PTPRZ1: variants seen among roughly 807,000 people sequenced by gnomAD.
PTPRZ1 encodes receptor-type tyrosine-protein phosphatase zeta.
In PTPRZ1, 82 loss-of-function variants were observed where a neutral mutation model predicts 214.1. The observed-to-expected ratio is 0.38, with a 90% CI of 0.32 to 0.46. The LOEUF (loss-of-function observed/expected upper bound fraction) is 0.46, where lower values mean the gene tolerates loss of function less well. Ranked by LOEUF, PTPRZ1 falls within the 20% of genes least tolerant of loss-of-function variation. The probability of loss-of-function intolerance (pLI) is 1.00; values close to 1 mark genes in which losing one functional copy is unlikely to be tolerated. For missense variants in PTPRZ1, 2,603 were observed against 2,748.7 expected, an observed-to-expected ratio of 0.95 and a Z score of 1.19; for synonymous variants, 945 against 987.9, an observed-to-expected ratio of 0.96 and a Z score of 0.81.
intron 2 of PTPRZ1, among the ~76,000 whole-genome samples, chr7:121,963,357 T>G (rs1219483298): frequency 6.6e-6 from 1 of 152,180 alleles, no homozygotes; most frequent in African/African-American, 2.4e-5. Context: ...TAGGGAGTTT[T>G]AGGTGGGGAC....
At chr7:121,955,561 C>T (rs1796680355) in intron 2 of PTPRZ1, among the ~76,000 whole-genome samples, 1 of 152,114 alleles carries the variant, frequency 6.6e-6, no homozygotes, top group Non-Finnish European at 1.5e-5. Context: ...AAATAGTTTG[C>T]CTGCCTTTCA....
intron 1 of PTPRZ1, among the ~76,000 whole-genome samples, chr7:121,893,193 G>A (rs905996374): frequency 6.6e-5 from 10 of 152,160 alleles, no homozygotes; most frequent in African/African-American, 1.9e-4. Context: ...TTGTCATGTC[G>A]TTAAACATCA....
At chr7:121,933,731 G>C (rs1175926651) in intron 2 of PTPRZ1, among the ~76,000 whole-genome samples, 1 of 152,066 alleles carries the variant, frequency 6.6e-6, no homozygotes, top group African/African-American at 2.4e-5. Context: ...TTGGTGTTTG[G>C]CTTTTATTTT....
intron 4 of PTPRZ1, among the ~76,000 whole-genome samples, chr7:121,974,637 G>GC (rs1312326690): frequency 1.3e-5 from 2 of 152,064 alleles, no homozygotes; most frequent in Admixed American, 6.6e-5. Flanking sequence ...ACAGGTGCAT[G>GC]CCACCATGCC....
intron 6 of PTPRZ1, among the ~76,000 whole-genome samples, chr7:121,980,212 A>G (rs1797563465): frequency 1.3e-5 from 2 of 152,076 alleles, no homozygotes; most frequent in Admixed American, 1.3e-4. Context: ...CAGCGAGTCA[A>G]TTTCTGGCTC....
At chr7:121,939,844 G>A (rs565604205) in intron 2 of PTPRZ1, among the ~76,000 whole-genome samples, 45 of 152,266 alleles carry the variant, frequency 3.0e-4, no homozygotes, top group Admixed American at 1.0e-3. Flanking sequence ...AATACCTCAT[G>A]GAGATGGTGT....
chr7:122,004,217 C>A (rs1004561592), intron 10 of PTPRZ1, among the ~76,000 whole-genome samples: 19 of 152,160 alleles, frequency 1.2e-4, no homozygotes, highest in African/African-American at 4.3e-4. Context: ...TTTCCCCAAC[C>A]ATGCTTTTAT....
At chr7:121,928,585 G>C (rs1795834566) in intron 2 of PTPRZ1, among the ~76,000 whole-genome samples, 1 of 152,148 alleles carries the variant, frequency 6.6e-6, no homozygotes, top group African/African-American at 2.4e-5. Context: ...CACAGAGCCT[G>C]CTTCTAAACA....
At chr7:122,025,935 CAG>C (rs562191956) in intron 13 of PTPRZ1, among the ~76,000 whole-genome samples, 62 of 152,120 alleles carry the variant, frequency 4.1e-4, no homozygotes, top group Non-Finnish European at 7.8e-4. Flanking sequence ...AAAAGTCTAA[CAG>C]GGTGTGGACC....
At chr7:122,060,414 C>T (rs536905181) in intron 29 of PTPRZ1, among the ~76,000 whole-genome samples, 2 of 152,288 alleles carry the variant, frequency 1.3e-5, no homozygotes, top group South Asian at 2.1e-4. Flanking sequence ...TCATGGTTTT[C>T]GGCTATGATG....
chr7:121,881,261 C>CT (rs1794229158), intron 1 of PTPRZ1, among the ~76,000 whole-genome samples: 1 of 152,180 alleles, frequency 6.6e-6, no homozygotes, highest in African/African-American at 2.4e-5. Flanking sequence ...ATCTGCTGGC[C>CT]TTTTGATCTT....
intron 13 of PTPRZ1, among the ~76,000 whole-genome samples, chr7:122,023,687 ATAT>A (rs1799107205): frequency 7.5e-6 from 1 of 133,400 alleles, no homozygotes; most frequent in Non-Finnish European, 1.6e-5. Context: ...ATAATTTTAT[ATAT>A]TATATGTATA....
intron 2 of PTPRZ1, among the ~76,000 whole-genome samples, chr7:121,952,027 C>G (rs534741083): frequency 6.6e-6 from 1 of 151,150 alleles, no homozygotes; most frequent in East Asian, 2.0e-4. Flanking sequence ...GACGCGATCT[C>G]GGCTCACTGC....
chr7:122,006,094 A>C (rs1798476843), intron 11 of PTPRZ1, among the ~76,000 whole-genome samples: 1 of 152,130 alleles, frequency 6.6e-6, no homozygotes, highest in African/African-American at 2.4e-5. Context: ...AGCTGTGTGA[A>C]TAGGCTACAC....
At chr7:121,946,386 TC>T (rs1276764745) in intron 2 of PTPRZ1, among the ~76,000 whole-genome samples, 2 of 152,222 alleles carry the variant, frequency 1.3e-5, no homozygotes, top group Admixed American at 1.3e-4. Flanking sequence ...TTCAAATTGT[TC>T]CTCTGGGAGC....
Position 122,021,580 on chromosome 7 carries a change from A to G in PTPRZ1, c.4988+2312A>G, listed in dbSNP as rs151282733. On this transcript the variant is annotated intron_variant, in intron 13 of 29. Coordinates refer to ENST00000393386, the MANE Select transcript of PTPRZ1 (RefSeq NM_002851.3). ...AGACCTCCATCTCTACAAAAACAAT[A>G]AAAATAAACAATTTAGCTGGGCATG... is the stretch of plus-strand genomic sequence containing the variant. Among the ~76,000 whole-genome samples the G allele has an allele frequency of 3.9e-4, 60 of 152,212 alleles. No individual in the cohort carries two copies. The East Asian group carries it at 0.012, about 29-fold the overall frequency.
At chr7:121,959,640 C>A (rs1282751720) in intron 2 of PTPRZ1, among the ~76,000 whole-genome samples, 2 of 152,102 alleles carry the variant, frequency 1.3e-5, no homozygotes, top group Non-Finnish European at 2.9e-5. Flanking sequence ...GAGGAAGCCC[C>A]TTTTTTCAAA....
chr7:121,879,706 G>GA (rs2116154234), intron 1 of PTPRZ1, among the ~76,000 whole-genome samples: 1 of 151,862 alleles, frequency 6.6e-6, no homozygotes, highest in Non-Finnish European at 1.5e-5. Flanking sequence ...GTCAAAAGCA[G>GA]AAAAAAAGGA....
intron 2 of PTPRZ1, among the ~76,000 whole-genome samples, chr7:121,938,019 T>A (rs7790815): frequency 0.41 from 62,783 of 151,946 alleles, 13,307 homozygotes; most frequent in African/African-American, 0.49. Context: ...ATTTCATATT[T>A]CATATGTTTA....
Sources: gnomAD v4.1 joint callset for allele counts (sites outside exome capture counted in the v4.1 genomes callset) on GRCh38, gnomAD v4.1.1 for gene constraint, MANE v1.5 for transcripts, NCBI Gene and HGNC (gene_info 2026-07-23, HGNC 2026-07-21) for gene names.